Variants in IL4R observed in about 807,000 individuals in gnomAD.
IL4R encodes the protein interleukin 4 receptor, also known as interleukin-4 receptor subunit alpha.
A neutral mutation model predicts 41.5 loss-of-function variants in IL4R; 17 were observed. The ratio of observed to expected loss-of-function variants is 0.41; its 90% CI spans 0.28 to 0.61. IL4R has a LOEUF of 0.61. Ranked by LOEUF, IL4R falls within the 20% of genes least tolerant of loss-of-function variation. The pLI, the probability that IL4R is intolerant of heterozygous loss-of-function variation, is 0.31. For missense variants in IL4R, 974 were observed against 1,043.1 expected (o/e 0.93, Z 0.91); for synonymous variants, 402 against 422.9 (o/e 0.95, Z 0.61).
At chr16:27,336,554 T>A (rs1329723240) in intron 2 of IL4R, among the ~76,000 whole-genome samples, 1 of 151,650 alleles carries the variant, frequency 6.6e-6, no homozygotes, top group Non-Finnish European at 1.5e-5. Flanking sequence ...GGTGCACATC[T>A]GTGGTCCCAG....
intron 6 of IL4R, among the ~76,000 whole-genome samples, chr16:27,350,291 T>G (rs1285393330): frequency 6.6e-6 from 1 of 152,156 alleles, no homozygotes; most frequent in East Asian, 1.9e-4. Flanking sequence ...AGCTGTTGCT[T>G]CTTGTTTGCT....
intron 8 of IL4R, among the ~76,000 whole-genome samples, chr16:27,357,373 G>A (rs1177321740): frequency 6.6e-6 from 1 of 152,112 alleles, no homozygotes; most frequent in Non-Finnish European, 1.5e-5. Context: ...TCCAATTCCT[G>A]GGCTAAAGAG....
chr16:27,349,850 G>A (rs1370107982), intron 6 of IL4R, among the ~76,000 whole-genome samples: 1 of 152,172 alleles, frequency 6.6e-6, no homozygotes, highest in African/African-American at 2.4e-5. Flanking sequence ...CCTGGGATCA[G>A]GTGATTCTCC....
Position 27,360,639 on chromosome 16 carries a change from CG to C in IL4R, c.850-126del, listed in dbSNP as rs1405691519. On this transcript the variant is annotated intron_variant, in intron 9 of 10. Transcript: ENST00000395762. ...TCCCAGGAATCTGAAGCTCAGAAAG[CG>C]TAAGTGACCTGTTGGACTTCTGATC... The C allele has an allele frequency of 2.9e-5, 32 of 1,110,242 alleles. No individual in the cohort carries two copies. The Admixed American group carries it at 5.6e-4, about 19-fold the overall frequency. The allele number at this position is 1,110,242 out of a possible 1,614,324, so 68.8% of individuals were successfully genotyped here.
intron 4 of IL4R, among the ~76,000 whole-genome samples, chr16:27,344,267 T>C (rs953733325): frequency 6.6e-6 from 1 of 150,462 alleles, no homozygotes; most frequent in Non-Finnish European, 1.5e-5. Context: ...ATCACATCAC[T>C]GTACTCTAGC....
At chr16:27,318,966 G>T (rs968216035) in intron 1 of IL4R, among the ~76,000 whole-genome samples, 6 of 152,358 alleles carry the variant, frequency 3.9e-5, no homozygotes, top group Non-Finnish European at 7.3e-5. Flanking sequence ...AGTGCCAGGG[G>T]CTGGGGACAC....
At chr16:27,322,044 A>G (rs2084826409) in intron 1 of IL4R, among the ~76,000 whole-genome samples, 1 of 149,762 alleles carries the variant, frequency 6.7e-6, no homozygotes, top group Admixed American at 6.6e-5. Flanking sequence ...GGTTCTAGAA[A>G]TGTATCTATT....
chr16:27,331,096 T>C (rs1567311271), intron 2 of IL4R, among the ~76,000 whole-genome samples: 2 of 152,032 alleles, frequency 1.3e-5, no homozygotes, highest in Non-Finnish European at 2.9e-5. Context: ...TCAAAGACCC[T>C]CAAAAGCTGC....
chr16:27,336,800 C>G (rs1406800191), intron 2 of IL4R, among the ~76,000 whole-genome samples: 1 of 151,658 alleles, frequency 6.6e-6, no homozygotes, highest in African/African-American at 2.4e-5. Context: ...AGGTGGCAGC[C>G]GGGCTCAGTG....
At chr16:27,343,333 G>C (rs1175968019) in intron 4 of IL4R, among the ~76,000 whole-genome samples, 1 of 152,222 alleles carries the variant, frequency 6.6e-6, no homozygotes, top group African/African-American at 2.4e-5. Context: ...CCCACTGCTT[G>C]TTTTTGTAAA....
At position 27,363,345 on chromosome 16, in the gene IL4R, C is replaced by T; in HGVS notation, c.1993C>T (p.Pro665Ser). Reference sequence around the variant, plus strand: ...ACTGGACAGGGAGCCACCTCGCAGTCCGCAGAGCTCACATCTCCCAAGCAG... The same window carrying T: ...ACTGGACAGGGAGCCACCTCGCAGTTCGCAGAGCTCACATCTCCCAAGCAG... ...FGLDREPPRS[P>S]QSSHLPSSSP... is the part of the protein sequence containing the mutation. Residue 665 changes from proline (P) to serine (S), a missense_variant, in exon 11 of 11, where the codon CCG becomes TCG. Transcript: ENST00000395762. 6.2e-7 allele frequency: 1 copy of T among 1,613,998 alleles called. No individual in the cohort carries two copies. Among genetic ancestry groups the T allele is most frequent in the Non-Finnish European group, 8.5e-7 (1 of 1,179,948 alleles).
At position 27,364,051 on chromosome 16, in the gene IL4R, A is replaced by G. The variant is rs1370335354; in HGVS notation, c.*221A>G. The G allele has an allele frequency of 5.4e-6, 3 of 560,298 alleles. No homozygotes were observed. The East Asian group carries it at 8.9e-5, about 17-fold the overall frequency. The allele number at this position is 560,298 out of a possible 1,614,324, so 34.7% of individuals were successfully genotyped here. On this transcript the variant is annotated 3_prime_UTR_variant, in exon 11 of 11. Transcript: ENST00000395762. Reference sequence around the variant, plus strand: ...TGGGCTCGCCACATCCCATGAGAGTAGAGGGCACTGGGTCGCCGTGCCCCA... The same window carrying G: ...TGGGCTCGCCACATCCCATGAGAGTGGAGGGCACTGGGTCGCCGTGCCCCA...
intron 1 of IL4R, among the ~76,000 whole-genome samples, chr16:27,318,928 G>A (rs1009750417): frequency 2.0e-5 from 3 of 152,220 alleles, no homozygotes; most frequent in South Asian, 2.1e-4. Flanking sequence ...CCAGCCCGGG[G>A]CTAGGTGCTT....
chr16:27,344,298 G>A (rs2141141990), intron 4 of IL4R, among the ~76,000 whole-genome samples: 1 of 142,902 alleles, frequency 7.0e-6, no homozygotes. Context: ...GTGAGACTTT[G>A]TCTCAGGAAA....
At chr16:27,332,660 A>G (rs1025246930) in intron 2 of IL4R, among the ~76,000 whole-genome samples, 2 of 151,646 alleles carry the variant, frequency 1.3e-5, no homozygotes, top group East Asian at 1.9e-4. Context: ...TTAATTTTCT[A>G]TTTTTAATTT....
chr16:27,363,965 G>A lies in IL4R; in HGVS notation c.*135G>A, dbSNP rs1201116982. ...GAAGAACCATGGTATGAAGGTGATTGGCCCCACTGACGTTGGCCTAACACT... is the reference window on the plus strand; with the variant it reads ...GAAGAACCATGGTATGAAGGTGATTAGCCCCACTGACGTTGGCCTAACACT... On this transcript the variant is annotated 3_prime_UTR_variant, in exon 11 of 11. Coordinates refer to ENST00000395762, the MANE Select transcript of IL4R (RefSeq NM_000418.4). 2 of 1,075,926 alleles carry A rather than the reference G, an allele frequency of 1.9e-6. No individual in the cohort carries two copies. Among genetic ancestry groups the A allele is most frequent in the African/African-American group, 1.6e-5 (1 of 62,574 alleles). The allele number at this position is 1,075,926 out of a possible 1,614,324, so 66.6% of individuals were successfully genotyped here. A position where few individuals can be genotyped will look rare whatever the true frequency, so the allele number is the denominator to read the frequency against.
At position 27,344,872 on chromosome 16, in the gene IL4R, C is replaced by G; in HGVS notation, c.213C>G (p.Ala71=). ...AACCCAGCCCCTGTGTCTGCAGAGC[C>G]CACACGTGTATCCCTGAGAACAACG... ...LYQLVFLLSE[A]HTCIPENNGG... Residue 71 remains alanine, a synonymous_variant, in exon 5 of 11, where the codon GCC becomes GCG. Transcript: ENST00000395762. 5 of 1,614,134 alleles carry G rather than the reference C, an allele frequency of 3.1e-6. No individual in the cohort carries two copies. Among genetic ancestry groups the G allele is most frequent in the Non-Finnish European group, 4.2e-6 (5 of 1,180,014 alleles).
At chr16:27,328,993 G>C (rs1356805542) in intron 1 of IL4R, among the ~76,000 whole-genome samples, 7 of 152,144 alleles carry the variant, frequency 4.6e-5, no homozygotes, top group African/African-American at 1.7e-4. Flanking sequence ...TAAATCTCTT[G>C]TTGAAATGTG....
intron 1 of IL4R, among the ~76,000 whole-genome samples, chr16:27,322,842 C>T (rs1479576007): frequency 6.6e-6 from 1 of 152,152 alleles, no homozygotes; most frequent in South Asian, 2.1e-4. Flanking sequence ...ACAACAGCAG[C>T]CTTGCAACCA....
Sources: gnomAD v4.1 joint callset for allele counts (sites outside exome capture counted in the v4.1 genomes callset) on GRCh38, gnomAD v4.1.1 for gene constraint, MANE v1.5 for transcripts, NCBI Gene and HGNC (gene_info 2026-07-23, HGNC 2026-07-21) for gene names.